EPB41: variants seen among roughly 807,000 people sequenced by gnomAD.
The protein encoded by EPB41 is erythrocyte membrane protein band 4.1.
In EPB41, 65 loss-of-function variants were observed where a neutral mutation model predicts 108.0. That is an observed-to-expected ratio of 0.60 (90% CI 0.49 to 0.74). The LOEUF (loss-of-function observed/expected upper bound fraction) is 0.74. Ranked by LOEUF, EPB41 falls within the 30% of genes least tolerant of loss-of-function variation. The probability of loss-of-function intolerance (pLI) is 0.00; values close to 1 mark genes in which losing one functional copy is unlikely to be tolerated. For missense variants in EPB41, 875 were observed against 1,037.0 expected (o/e 0.84, Z 2.15); for synonymous variants, 336 against 358.9 (o/e 0.94, Z 0.72).
chr1:28,945,008 T>A (rs2094443497), intron 1 of EPB41, among the ~76,000 whole-genome samples: 2 of 151,376 alleles, frequency 1.3e-5, no homozygotes, highest in South Asian at 4.2e-4. Flanking sequence ...GGAGGATCAC[T>A]TGAATCTGGG....
chr1:28,936,526 G>C (rs1005663396), intron 1 of EPB41, among the ~76,000 whole-genome samples: 11 of 152,148 alleles, frequency 7.2e-5, no homozygotes, highest in Non-Finnish European at 1.0e-4. Flanking sequence ...ATTACTCCAA[G>C]AAACCCCTTA....
intron 17 of EPB41, among the ~76,000 whole-genome samples, chr1:29,107,418 A>G (rs1039904853): frequency 2.6e-5 from 4 of 152,166 alleles, no homozygotes; most frequent in African/African-American, 9.7e-5. Context: ...TACAATGTGT[A>G]TAATAATGGT....
At chr1:29,094,267 C>T (rs992583565) in intron 16 of EPB41, among the ~76,000 whole-genome samples, 1 of 151,756 alleles carries the variant, frequency 6.6e-6, no homozygotes, top group Non-Finnish European at 1.5e-5. Flanking sequence ...TTGTTGTTTT[C>T]TTATTTTTTT....
At chr1:29,092,186 C>T (rs1020510196) in intron 16 of EPB41, among the ~76,000 whole-genome samples, 14 of 151,188 alleles carry the variant, frequency 9.3e-5, no homozygotes, top group African/African-American at 3.2e-4. Flanking sequence ...CAACCTCTGC[C>T]TCCCAGGTTC....
At chr1:28,988,078 C>A (rs1161602081) in intron 2 of EPB41, among the ~76,000 whole-genome samples, 173 bp downstream of exon 2, 1 of 152,230 alleles carries the variant, frequency 6.6e-6, no homozygotes, top group Non-Finnish European at 1.5e-5. Context: ...GCCTGGCCAA[C>A]ATGGCCAAAC....
intron 18 of EPB41, among the ~76,000 whole-genome samples, chr1:29,112,028 T>A (rs1669354017): frequency 6.6e-6 from 1 of 151,830 alleles, no homozygotes; most frequent in African/African-American, 2.4e-5. Context: ...AGAAGTGTAC[T>A]CTACAAGGGA....
chr1:28,939,752 T>G (rs138455313), intron 1 of EPB41, among the ~76,000 whole-genome samples: 9 of 152,312 alleles, frequency 5.9e-5, no homozygotes, highest in Admixed American at 4.6e-4. Flanking sequence ...CTCAAGTGCT[T>G]TTTAAAGATC....
chr1:28,917,975 A>C (rs1037130587), intron 1 of EPB41, among the ~76,000 whole-genome samples: 1 of 151,968 alleles, frequency 6.6e-6, no homozygotes, highest in Non-Finnish European at 1.5e-5. Context: ...ACTTTTTTTT[A>C]ATGTAGTAAT....
chr1:29,034,094 C>T (rs1339602485), intron 9 of EPB41, among the ~76,000 whole-genome samples: 2 of 152,080 alleles, frequency 1.3e-5, no homozygotes, highest in African/African-American at 4.8e-5. Flanking sequence ...GGATGTGGAG[C>T]CTTAAAAATC....
rs557318858 is a variant in EPB41, at chr1:28,938,885, T to C, written c.-8+24117T>C. Among the ~76,000 whole-genome samples the C allele has an allele frequency of 5.9e-5, 9 of 152,326 alleles. No individual in the cohort carries two copies. In the East Asian group the frequency reaches 1.7e-3, roughly 29 times the overall value. ...AACTAGTAGTTTTTTTTGTGTGGAT[T>C]CCTTAGAATTTTCTATTTACAAGAT... On this transcript the variant is annotated intron_variant, in intron 1 of 20. Transcript: ENST00000343067.
chr1:28,974,572 C>T (rs1369304064), intron 1 of EPB41, among the ~76,000 whole-genome samples: 1 of 151,824 alleles, frequency 6.6e-6, no homozygotes, highest in African/African-American at 2.4e-5. Flanking sequence ...TATATTTTGG[C>T]GGTAGAGTGT....
chr1:29,061,568 C>CTTTGTTTTTTTT lies in EPB41; in HGVS notation c.2007+1088_2007+1099dup, dbSNP rs1646540413. Reference sequence around the variant, plus strand: ...ACAGGCGTGAGCCACTGCGCCTGGCCTTTGTTTTTTTTTTTTTTTTTTTTT... The same window carrying CTTTGTTTTTTTT: ...ACAGGCGTGAGCCACTGCGCCTGGCCTTTGTTTTTTTTTTTGTTTTTTTTTTTTTTTTTTTTT... On this transcript the variant is annotated intron_variant, in intron 15 of 20. Coordinates refer to ENST00000343067, the MANE Select transcript of EPB41 (RefSeq NM_001376013.1). Among the ~76,000 whole-genome samples, 2 of 89,892 alleles carry CTTTGTTTTTTTT rather than the reference C, an allele frequency of 2.2e-5. 1 individual carries two copies. Among genetic ancestry groups the CTTTGTTTTTTTT allele is most frequent in the South Asian group, 8.7e-4 (2 of 2,302 alleles). The allele number at this position is 89,892 out of a possible 152,430, so 59.0% of individuals were successfully genotyped here.
intron 12 of EPB41, among the ~76,000 whole-genome samples, chr1:29,056,185 G>T (rs893378324): frequency 2.0e-5 from 3 of 147,274 alleles, no homozygotes; most frequent in African/African-American, 7.5e-5. Flanking sequence ...AGTGAGCCGA[G>T]ATCGCGCCGC....
At chr1:28,896,983 G>A (rs1259748451) in intron 1 of EPB41, among the ~76,000 whole-genome samples, 1 of 152,196 alleles carries the variant, frequency 6.6e-6, no homozygotes, top group Non-Finnish European at 1.5e-5. Flanking sequence ...GGGAGGAGGA[G>A]GCAGAGCTGG....
chr1:28,988,028 C>T lies in EPB41; in HGVS notation c.468+123C>T, dbSNP rs1021670198. The T allele has an allele frequency of 2.2e-5, 22 of 1,001,420 alleles. No homozygotes were observed. In the Middle Eastern group the frequency reaches 1.1e-3, roughly 50 times the overall value. 62.0% of individuals were successfully genotyped at this position (1,001,420 alleles called of 1,614,324 possible). A position where few individuals can be genotyped will look rare whatever the true frequency, so the allele number is the denominator to read the frequency against. ...CTGTAATTCCACCACTTTGGGAGGC[C>T]GAGGCAGGCGGATCAACTGAGGTCA... On this transcript the variant is annotated intron_variant, in intron 2 of 20. Transcript: ENST00000343067.
At chr1:29,111,976 C>CAAAA (rs142587197) in intron 18 of EPB41, among the ~76,000 whole-genome samples, 1 of 82,102 alleles carries the variant, frequency 1.2e-5, no homozygotes. Context: ...GACTCTGTCT[C>CAAAA]AAAAAAAAAA....
chr1:28,977,814 C>T (rs1047687533), intron 1 of EPB41, among the ~76,000 whole-genome samples: 5 of 151,884 alleles, frequency 3.3e-5, no homozygotes, highest in African/African-American at 1.2e-4. Context: ...TGGCATTTGT[C>T]TAGAGAAGTA....
chr1:28,894,117 T>C (rs1208030866), intron 1 of EPB41, among the ~76,000 whole-genome samples: 2 of 152,208 alleles, frequency 1.3e-5, no homozygotes, highest in South Asian at 4.1e-4. Context: ...GGTGATTCTT[T>C]GCATCTCAGT....
intron 4 of EPB41, among the ~76,000 whole-genome samples, chr1:29,003,298 C>T (rs2096337829): frequency 6.6e-6 from 1 of 152,186 alleles, no homozygotes; most frequent in South Asian, 2.1e-4. Context: ...CTCATCCCCC[C>T]ATTTTATAGA....
Sources: allele counts gnomAD v4.1 joint callset (sites outside exome capture counted in the v4.1 genomes callset), GRCh38; gene constraint gnomAD v4.1.1; transcripts MANE v1.5; gene names NCBI Gene and HGNC (gene_info 2026-07-23, HGNC 2026-07-21).